Variants in DAB1 observed in about 807,000 individuals in gnomAD.
DAB1 encodes DAB adaptor protein 1, also known as disabled homolog 1.
In DAB1, 15 loss-of-function variants were observed where a neutral mutation model predicts 64.6. That is an observed-to-expected ratio of 0.23 (90% CI 0.16 to 0.36). The LOEUF is 0.36. Among genes scored for constraint, DAB1 ranks in the 10% least tolerant of loss-of-function variants. DAB1 has a pLI of 1.00. For synonymous variants in DAB1, 235 were observed against 251.9 expected (o/e 0.93, Z 0.64); for missense variants, 596 against 706.7 (o/e 0.84, Z 1.78).
At chr1:57,303,171 T>A (rs1379847002) in intron 1 of DAB1, among the ~76,000 whole-genome samples, 1 of 152,100 alleles carries the variant, frequency 6.6e-6, no homozygotes, top group Non-Finnish European at 1.5e-5. Context: ...ACCAGAGAGA[T>A]CCTGGGATGG....
rs150451668 is a variant in DAB1, at chr1:57,705,434, G to C, written n.552-55769C>G. 6.3e-3 allele frequency among the ~76,000 whole-genome samples: 964 copies of C among 152,136 alleles called. 16 individuals carry two copies. Among genetic ancestry groups the C allele is most frequent in the Middle Eastern group, 0.014 (4 of 292 alleles). ...TATGGCTACTAATAACTATGGATTT[G>C]CTTTAACAGTTTGTACTTCCTATTT... On this transcript the variant is annotated intron_variant and non_coding_transcript_variant, in intron 6 of 20. Coordinates refer to the DAB1 transcript ENST00000485760.
chr1:57,943,371 C>T (rs1257124445), intron 5 of DAB1, among the ~76,000 whole-genome samples: 1 of 152,160 alleles, frequency 6.6e-6, no homozygotes, highest in African/African-American at 2.4e-5. Flanking sequence ...AGCTGAACCA[C>T]TTTGTAGTAA....
intron 2 of DAB1, among the ~76,000 whole-genome samples, chr1:58,520,010 T>C (rs931746577): frequency 1.3e-5 from 2 of 152,166 alleles, no homozygotes; most frequent in Non-Finnish European, 2.9e-5. Context: ...GATTAGCCTA[T>C]TGCATGTTCT....
intron 3 of DAB1, among the ~76,000 whole-genome samples, chr1:58,492,830 C>A (rs1405981765): frequency 6.6e-6 from 1 of 152,174 alleles, no homozygotes; most frequent in Non-Finnish European, 1.5e-5. Context: ...CGAATTCTAC[C>A]AGAGGTACAA....
chr1:57,428,983 G>A (rs1479364599), upstream of DAB1, among the ~76,000 whole-genome samples: 6 of 149,232 alleles, frequency 4.0e-5, no homozygotes, highest in East Asian at 1.2e-3. Flanking sequence ...TACCATCATT[G>A]CTTAGTTCAG....
intron 7 of DAB1, among the ~76,000 whole-genome samples, chr1:57,551,558 C>T (rs1644914399): frequency 6.6e-6 from 1 of 152,184 alleles, no homozygotes; most frequent in Middle Eastern, 3.2e-3. Context: ...ACCACTTCGG[C>T]TTCCCTCTCA....
At chr1:57,606,795 T>TAGAG (rs112310014) in intron 7 of DAB1, among the ~76,000 whole-genome samples, 70,917 of 132,960 alleles carry the variant, frequency 0.53, 21,608 homozygotes, top group Non-Finnish European at 0.67. Flanking sequence ...CATATATATA[T>TAGAG]AGAGAGAGAG....
intron 7 of DAB1, among the ~76,000 whole-genome samples, chr1:57,459,496 T>C (rs1686709890): frequency 6.6e-6 from 1 of 152,164 alleles, no homozygotes. Context: ...TTTTATGGCT[T>C]TTGGTATGTG....
chr1:57,354,171 C>A (rs1326975658), intron 1 of DAB1, among the ~76,000 whole-genome samples: 1 of 152,058 alleles, frequency 6.6e-6, no homozygotes, highest in Non-Finnish European at 1.5e-5. Context: ...CCAAACATAA[C>A]TATTTTGCTC....
chr1:58,082,984 A>T (rs1650091068), intron 5 of DAB1, among the ~76,000 whole-genome samples: 1 of 152,200 alleles, frequency 6.6e-6, no homozygotes, highest in South Asian at 2.1e-4. Context: ...GAGAAAATGA[A>T]TCCACTTCAA....
intron 9 of DAB1, among the ~76,000 whole-genome samples, chr1:57,049,927 G>A (rs1208980761): frequency 6.6e-6 from 1 of 152,172 alleles, no homozygotes; most frequent in East Asian, 1.9e-4. Context: ...TTGTGGCAGT[G>A]GCTGAGTCTC....
At chr1:57,409,815 GCAAA>G (rs1215728756) in intron 1 of DAB1, among the ~76,000 whole-genome samples, 3 of 152,126 alleles carry the variant, frequency 2.0e-5, no homozygotes, top group African/African-American at 7.2e-5. Context: ...TCTCCAAAAA[GCAAA>G]CAAACAAACA....
intron 1 of DAB1, among the ~76,000 whole-genome samples, chr1:57,343,111 A>G (rs1490495630): frequency 1.3e-5 from 2 of 151,978 alleles, no homozygotes; most frequent in Non-Finnish European, 2.9e-5. Context: ...TGGTGCATTT[A>G]CAATCCCTGA....
At chr1:57,822,475 C>A (rs1569782608), downstream of DAB1, among the ~76,000 whole-genome samples, 2 of 152,116 alleles carry the variant, frequency 1.3e-5, no homozygotes, top group South Asian at 4.1e-4. Flanking sequence ...TTACTCAGAA[C>A]TTATTTCAAC....
In DAB1 at chr1:57,625,879, C is replaced by A. The variant is rs74622761; in HGVS notation, n.625+23713G>T. Among the ~76,000 whole-genome samples, 35 of 151,892 alleles carry A rather than the reference C, an allele frequency of 2.3e-4. No homozygotes were observed. In the East Asian group the frequency reaches 5.8e-3, roughly 25 times the overall value. On this transcript the variant is annotated intron_variant and non_coding_transcript_variant, in intron 7 of 20. Coordinates refer to the DAB1 transcript ENST00000485760. ...AAGCCCTATTTTTGGATTTCATAGG[C>A]CAGTTTCAAAAATAAAACAAAAAAG...
chr1:57,253,147 C>G (rs986436794), intron 2 of DAB1, among the ~76,000 whole-genome samples: 27 of 152,272 alleles, frequency 1.8e-4, no homozygotes, highest in South Asian at 6.2e-4. Context: ...TGCATAAGGG[C>G]AGGGGGCACA....
intron 1 of DAB1, among the ~76,000 whole-genome samples, chr1:57,856,081 C>T (rs533450727): frequency 1.3e-5 from 2 of 152,260 alleles, no homozygotes; most frequent in South Asian, 4.2e-4. Context: ...GTCTGAGCTG[C>T]TACTGCCTGG....
intron 5 of DAB1, among the ~76,000 whole-genome samples, chr1:57,944,239 G>T (rs1469421942): frequency 2.0e-5 from 3 of 152,006 alleles, no homozygotes; most frequent in Admixed American, 1.3e-4. Flanking sequence ...CTGTTTGGTG[G>T]CCTGGTACCC....
At chr1:57,627,700 C>T (rs1645939632) in intron 7 of DAB1, among the ~76,000 whole-genome samples, 2 of 152,214 alleles carry the variant, frequency 1.3e-5, no homozygotes, top group South Asian at 4.1e-4. Flanking sequence ...CTTATAATGA[C>T]TAAGGGGCCT....
Sources: allele counts gnomAD v4.1 joint callset (sites outside exome capture counted in the v4.1 genomes callset), GRCh38; gene constraint gnomAD v4.1.1; transcripts MANE v1.5; gene names NCBI Gene and HGNC (gene_info 2026-07-23, HGNC 2026-07-21).